Variants in COX19 observed in about 807,000 individuals in gnomAD.
COX19 encodes cytochrome c oxidase assembly factor COX19, also known as cytochrome c oxidase assembly protein COX19.
A neutral mutation model predicts 6.8 loss-of-function variants in COX19; 8 were observed. The ratio of observed to expected loss-of-function variants is 1.18; its 90% CI spans 0.69 to 2.12. The LOEUF is 2.12. COX19 is among the 30% of genes most tolerant of loss of function. COX19 has a pLI of 0.00. For missense variants in COX19, 131 were observed against 104.6 expected (o/e 1.25, Z -1.10); for synonymous variants, 51 against 38.0 (o/e 1.34, Z -1.26).
At chr7:972,182 C>T (rs534093403) in intron 2 of COX19, among the ~76,000 whole-genome samples, 4 of 152,282 alleles carry the variant, frequency 2.6e-5, no homozygotes, top group East Asian at 1.9e-4. Flanking sequence ...CTCCAGCCAG[C>T]GTGCTACTTA....
chr7:974,625 G>A (rs1375837682), intron 1 of COX19, among the ~76,000 whole-genome samples: 1 of 152,150 alleles, frequency 6.6e-6, no homozygotes, highest in Non-Finnish European at 1.5e-5. Context: ...TGTTGGGAAA[G>A]AAACAGTAAT....
chr7:972,505 G>A (rs761285213), intron 2 of COX19, among the ~76,000 whole-genome samples: 11 of 152,190 alleles, frequency 7.2e-5, no homozygotes, highest in Non-Finnish European at 1.2e-4. Flanking sequence ...TCTGAAGACC[G>A]AAATGCTTAG....
intron 2 of COX19, among the ~76,000 whole-genome samples, chr7:970,002 C>T (rs917079661): frequency 2.9e-5 from 4 of 138,040 alleles, no homozygotes; most frequent in Non-Finnish European, 6.2e-5. Flanking sequence ...CTCATTTTGT[C>T]TCCCATGCTG....
rs527402753 is a variant in COX19, at chr7:973,164, C to T, written c.194+17G>A. The T allele has an allele frequency of 8.0e-6, 12 of 1,495,064 alleles. No homozygotes were observed. The highest frequency in any genetic ancestry group is 2.9e-5 in the African/African-American group (2 of 69,860). 92.6% of individuals were successfully genotyped at this position (1,495,064 alleles called of 1,614,324 possible). Reference sequence around the variant, plus strand: ...GAGTAGTGGGAGGTGGAAATCATAACGCTTAGCTGTACTCACCTCTCCATC... The same window carrying T: ...GAGTAGTGGGAGGTGGAAATCATAATGCTTAGCTGTACTCACCTCTCCATC... On this transcript the variant is annotated intron_variant, in intron 2 of 2. Coordinates refer to ENST00000344111, the MANE Select transcript of COX19 (RefSeq NM_001031617.3).
In COX19 at chr7:965,845, G is replaced by A. The variant is rs1186367873; in HGVS notation, c.*3533C>T. Among the ~76,000 whole-genome samples, 1 of 152,178 alleles carries A rather than the reference G, an allele frequency of 6.6e-6. No homozygotes were observed. Among genetic ancestry groups the A allele is most frequent in the Non-Finnish European group, 1.5e-5 (1 of 68,038 alleles). ...GTAGAGACAGGGTTTCTCCATGTTGGCCAGGCTGGCCTTGAACTCCTGGCC... is the reference window on the plus strand; with the variant it reads ...GTAGAGACAGGGTTTCTCCATGTTGACCAGGCTGGCCTTGAACTCCTGGCC... On this transcript the variant is annotated 3_prime_UTR_variant, in exon 3 of 3. Coordinates refer to ENST00000344111, the MANE Select transcript of COX19 (RefSeq NM_001031617.3).
Position 975,501 on chromosome 7 carries a change from G to C in COX19, c.9C>G (p.Thr3=). The change falls in exon 1 of 3, where the codon ACC becomes ACG. Residue 3 remains threonine (T), a synonymous_variant. Transcript: ENST00000344111. ...AGCTCTTGGTCCCGAAATTCATGGC[G>C]GTCGACATGTTGGCGACTCCGGAGT... MS[T]AMNFGTKSFQ... 2.2e-5 allele frequency: 36 copies of C among 1,603,244 alleles called. No homozygotes were observed. The highest frequency in any genetic ancestry group is 3.1e-5 in the Non-Finnish European group (36 of 1,176,228).
chr7:967,804 C>T lies in COX19; in HGVS notation c.*1574G>A, dbSNP rs1159557971. The T allele has an allele frequency of 6.6e-6, 1 of 152,354 alleles. No individual in the cohort carries two copies. Among genetic ancestry groups the T allele is most frequent in the Non-Finnish European group, 1.5e-5 (1 of 68,096 alleles). The allele number at this position is 152,354 out of a possible 1,614,324, so 9.4% of individuals were successfully genotyped here. On this transcript the variant is annotated 3_prime_UTR_variant, in exon 3 of 3. Transcript: ENST00000344111. ...TTCTCGTTTGTAGTTTCCTGTGTCC[C>T]TGCCTGTCTCCACTTCACAGTAAGC...
At chr7:972,308 G>A (rs867162448) in intron 2 of COX19, among the ~76,000 whole-genome samples, 97 of 152,154 alleles carry the variant, frequency 6.4e-4, no homozygotes, top group African/African-American at 2.1e-3. Context: ...AGTCCACACC[G>A]CTGAGAAGGC....
Position 973,301 on chromosome 7 carries a change from AG to A in COX19, c.83-10del. 6.3e-7 allele frequency: 1 copy of A among 1,579,028 alleles called. No homozygotes were observed. ...AAAGCTTTTACATTCACCTAGAACG[AG>A]AAAGAAAACAGCATGTTCTTTTCAG... is the stretch of plus-strand genomic sequence containing the variant. On this transcript the variant is annotated splice_polypyrimidine_tract_variant and intron_variant, in intron 1 of 2. Transcript: ENST00000344111.
chr7:975,103 C>T, intron 1 of COX19: 1 of 309,852 alleles, frequency 3.2e-6, no homozygotes, highest in Non-Finnish European at 6.0e-6. Flanking sequence ...CTGCGGGCTT[C>T]GTGGCCGCCG....
At position 973,221 on chromosome 7, in the gene COX19, T is replaced by C; in HGVS notation, c.154A>G (p.Arg52Gly). 6.2e-7 allele frequency: 1 copy of C among 1,606,240 alleles called. No homozygotes were observed. The highest frequency in any genetic ancestry group is 8.5e-7 in the Non-Finnish European group (1 of 1,176,732). ...TCTAAATATTCTTTTGATTCCTTTC[T>C]GCACAAAGCATTTTCAAAATTATTG... ...HNNNFENALC[R>G]KESKEYLECR... Residue 52 changes from arginine (R) to glycine (G), a missense_variant, in exon 2 of 3, where the codon AGA (arginine) becomes GGA (glycine). Coordinates refer to ENST00000344111, the MANE Select transcript of COX19 (RefSeq NM_001031617.3).
In COX19 at chr7:965,229, C is replaced by A. The variant is rs1583200447; in HGVS notation, c.*4149G>T. On this transcript the variant is annotated 3_prime_UTR_variant, in exon 3 of 3. Transcript: ENST00000344111. ...CAATCTATTCCACTATAGTTTCATA[C>A]AAAGCATATTTTTTTTTCCTCATTT... is the stretch of plus-strand genomic sequence containing the variant. 6.6e-6 allele frequency among the ~76,000 whole-genome samples: 1 copy of A among 152,048 alleles called. No homozygotes were observed. Among genetic ancestry groups the A allele is most frequent in the Non-Finnish European group, 1.5e-5 (1 of 68,026 alleles).
At position 968,022 on chromosome 7, in the gene COX19, G is replaced by A. The variant is rs757538372; in HGVS notation, c.*1356C>T. 2.0e-5 allele frequency: 3 copies of A among 152,246 alleles called. No individual in the cohort carries two copies. The highest frequency in any genetic ancestry group is 2.9e-5 in the Non-Finnish European group (2 of 68,062). 9.4% of individuals were successfully genotyped at this position (152,246 alleles called of 1,614,324 possible). ...GAAACAAGACTTTCCATCAACTAGC[G>A]GTGATATGTTAATACGTCTGCAGCA... is the stretch of plus-strand genomic sequence containing the variant. On this transcript the variant is annotated 3_prime_UTR_variant, in exon 3 of 3. Transcript: ENST00000344111.
At chr7:975,384 A>G in intron 1 of COX19, 44 bp downstream of exon 1, 1 of 1,463,694 alleles carries the variant, frequency 6.8e-7, no homozygotes, top group African/African-American at 1.5e-5. Context: ...CGCGACCCAG[A>G]CCCCCCATCG....
intron 2 of COX19, among the ~76,000 whole-genome samples, chr7:970,932 C>T (rs149312801): frequency 2.4e-4 from 37 of 152,270 alleles, no homozygotes; most frequent in African/African-American, 8.4e-4. Context: ...GTGAAATTCA[C>T]GACTCAGCAT....
chr7:974,577 T>C (rs921192110), intron 1 of COX19, among the ~76,000 whole-genome samples: 37 of 152,180 alleles, frequency 2.4e-4, no homozygotes, highest in African/African-American at 7.7e-4. Flanking sequence ...AGGGTAAAAA[T>C]TCTTTCATTT....
rs1006982079 is a variant in COX19, at chr7:965,330, C to T, written c.*4048G>A. ...ACCCAGTTCCCCAAATAACATCTTACATAACACTGGGCCAGCGCTGCCAGT... is the reference window on the plus strand; with the variant it reads ...ACCCAGTTCCCCAAATAACATCTTATATAACACTGGGCCAGCGCTGCCAGT... On this transcript the variant is annotated 3_prime_UTR_variant, in exon 3 of 3. Transcript: ENST00000344111. Among the ~76,000 whole-genome samples, 1 of 152,144 alleles carries T rather than the reference C, an allele frequency of 6.6e-6. No homozygotes were observed. The highest frequency in any genetic ancestry group is 1.5e-5 in the Non-Finnish European group (1 of 68,040).
At chr7:971,129 G>A (rs575339823) in intron 2 of COX19, among the ~76,000 whole-genome samples, 4 of 152,322 alleles carry the variant, frequency 2.6e-5, no homozygotes, top group Non-Finnish European at 4.4e-5. Flanking sequence ...TGCTGGCAGC[G>A]GGTGAGGCTG....
In COX19 at chr7:973,175, A is replaced by ACT; in HGVS notation, c.194+4_194+5dup. 1 of 1,572,370 alleles carries ACT rather than the reference A, an allele frequency of 6.4e-7. No homozygotes were observed. On this transcript the variant is annotated splice_donor_region_variant and intron_variant, in intron 2 of 2. Coordinates refer to ENST00000344111, the MANE Select transcript of COX19 (RefSeq NM_001031617.3). ...GGTGGAAATCATAACGCTTAGCTGT[A>ACT]CTCACCTCTCCATCCTGCATTCTAA...
Sources: gnomAD v4.1 joint callset for allele counts (sites outside exome capture counted in the v4.1 genomes callset) on GRCh38, gnomAD v4.1.1 for gene constraint, MANE v1.5 for transcripts, NCBI Gene and HGNC (gene_info 2026-07-23, HGNC 2026-07-21) for gene names.